Variants in GPC6 observed in about 807,000 individuals in gnomAD.
GPC6 encodes the protein glypican 6, also known as glypican-6.
GPC6 carries 14 observed loss-of-function variants against 55.2 expected under a neutral mutation model. The observed-to-expected ratio is 0.25, with a 90% confidence interval of 0.17 to 0.40. GPC6 has a LOEUF of 0.40. GPC6 is among the 10% of genes least tolerant of loss of function. GPC6 has a pLI of 1.00. For synonymous variants in GPC6, 278 were observed against 259.6 expected (o/e 1.07, Z -0.68); for missense variants, 641 against 708.5 (o/e 0.90, Z 1.08).
intron 3 of GPC6, among the ~76,000 whole-genome samples, chr13:93,928,801 G>A (rs1034431536): frequency 6.8e-6 from 1 of 148,006 alleles, no homozygotes; most frequent in South Asian, 2.2e-4. Context: ...TTTCAAAGAG[G>A]GTTCTCTTCA....
chr13:93,339,938 A>G (rs1370822314), intron 1 of GPC6, among the ~76,000 whole-genome samples: 2 of 152,080 alleles, frequency 1.3e-5, no homozygotes, highest in African/African-American at 4.8e-5. Flanking sequence ...GCACATTACA[A>G]TCAGGCACAA....
At chr13:93,590,430 T>A (rs943702319) in intron 2 of GPC6, among the ~76,000 whole-genome samples, 1 of 152,160 alleles carries the variant, frequency 6.6e-6, no homozygotes. Context: ...TTTAAAGAAG[T>A]ATAACTACAA....
At chr13:93,571,207 C>G (rs577687015) in intron 2 of GPC6, among the ~76,000 whole-genome samples, 1 of 152,174 alleles carries the variant, frequency 6.6e-6, no homozygotes, top group South Asian at 2.1e-4. Context: ...CTCTAACATT[C>G]TCGTCCCAAG....
intron 6 of GPC6, among the ~76,000 whole-genome samples, chr13:94,361,798 C>A (rs1053231299): frequency 6.6e-6 from 1 of 152,218 alleles, no homozygotes; most frequent in South Asian, 2.1e-4. Context: ...TTAAAGGGTG[C>A]AAAAAATGTT....
intron 4 of GPC6, among the ~76,000 whole-genome samples, chr13:94,209,724 A>C (rs1890016724): frequency 6.6e-6 from 1 of 152,168 alleles, no homozygotes; most frequent in Admixed American, 6.5e-5. Context: ...CATTTTATGA[A>C]ATTTAGTGTT....
At chr13:94,272,569 T>C (rs181805914) in intron 4 of GPC6, among the ~76,000 whole-genome samples, 2,022 of 148,564 alleles carry the variant, frequency 0.014, 46 homozygotes, top group African/African-American at 0.043. Flanking sequence ...CCCAGGTTCA[T>C]GCCATTCTCT....
chr13:93,750,969 C>A (rs1030228551), intron 2 of GPC6, among the ~76,000 whole-genome samples: 1 of 152,106 alleles, frequency 6.6e-6, no homozygotes, highest in Admixed American at 6.6e-5. Context: ...CACTTCTCCT[C>A]TGGAGACAAA....
chr13:93,497,097 A>G (rs1880331766), intron 1 of GPC6, among the ~76,000 whole-genome samples: 3 of 152,182 alleles, frequency 2.0e-5, no homozygotes, highest in Non-Finnish European at 2.9e-5. Flanking sequence ...CTGACTCTCT[A>G]TGGTTGATTC....
At chr13:93,552,333 G>A (rs1349948118) in intron 2 of GPC6, among the ~76,000 whole-genome samples, 1 of 152,160 alleles carries the variant, frequency 6.6e-6, no homozygotes, top group Admixed American at 6.5e-5. Context: ...CGCCTTTCAA[G>A]CCTTTTGTTT....
At chr13:94,139,908 AAGAGCTACTG>A (rs1887316085) in intron 4 of GPC6, among the ~76,000 whole-genome samples, 1 of 152,172 alleles carries the variant, frequency 6.6e-6, no homozygotes, top group African/African-American at 2.4e-5. Context: ...GACACATAGT[AAGAGCTACTG>A]ATTTTTTCTA....
intron 1 of GPC6, among the ~76,000 whole-genome samples, chr13:93,279,506 T>A (rs534419953): frequency 6.6e-6 from 1 of 152,328 alleles, no homozygotes; most frequent in East Asian, 1.9e-4. Flanking sequence ...TTTACTAAAT[T>A]TACTTGATTG....
intron 4 of GPC6, among the ~76,000 whole-genome samples, chr13:94,178,096 G>A (rs572537996): frequency 6.7e-6 from 1 of 148,718 alleles, no homozygotes; most frequent in African/African-American, 2.5e-5. Context: ...TCAACTCACT[G>A]CAACCTCCGC....
At chr13:93,525,319 A>G (rs1881604347) in intron 1 of GPC6, among the ~76,000 whole-genome samples, 1 of 152,134 alleles carries the variant, frequency 6.6e-6, no homozygotes, top group African/African-American at 2.4e-5. Flanking sequence ...AGTGTCAGGA[A>G]CATGCCCCCC....
chr13:93,429,894 A>C (rs988842789), intron 1 of GPC6, among the ~76,000 whole-genome samples: 2 of 152,216 alleles, frequency 1.3e-5, no homozygotes, highest in Non-Finnish European at 1.5e-5. Context: ...CAGGTTACCT[A>C]TGGAAACAGT....
At chr13:93,331,074 C>G (rs61965690) in intron 1 of GPC6, among the ~76,000 whole-genome samples, 1 of 151,982 alleles carries the variant, frequency 6.6e-6, no homozygotes, top group African/African-American at 2.4e-5. Context: ...TTTGGGGGCT[C>G]TATTTGGGGA....
intron 6 of GPC6, among the ~76,000 whole-genome samples, chr13:94,370,835 A>T (rs1879509368): frequency 6.6e-6 from 1 of 152,188 alleles, no homozygotes; most frequent in Admixed American, 6.5e-5. Flanking sequence ...ACCTCATGAA[A>T]TTTACATAAA....
chr13:93,405,842 C>T (rs996387127), intron 1 of GPC6, among the ~76,000 whole-genome samples: 5 of 152,270 alleles, frequency 3.3e-5, no homozygotes, highest in East Asian at 3.9e-4. Context: ...TACTGCTGGA[C>T]GGTGGGGTGG....
rs144861693 is a variant in GPC6, at chr13:94,400,319, G to A, written c.1465+1678G>A. Among the ~76,000 whole-genome samples the A allele has an allele frequency of 2.2e-4, 34 of 152,140 alleles. No individual in the cohort carries two copies. In the East Asian group the frequency reaches 3.5e-3, roughly 16 times the overall value. On this transcript the variant is annotated intron_variant, in intron 8 of 8. Coordinates refer to ENST00000377047, the MANE Select transcript of GPC6 (RefSeq NM_005708.5). ...TGATTCCTTTTCAAAAAGAGATGGG[G>A]CCATTATTTTTTCCAGCCAAAATCT...
chr13:93,451,602 CCA>C (rs1878225879), intron 1 of GPC6, among the ~76,000 whole-genome samples: 1 of 152,202 alleles, frequency 6.6e-6, no homozygotes, highest in African/African-American at 2.4e-5. Flanking sequence ...TGTGTCATAG[CCA>C]CAGAGTTGAG....
Sources: allele counts gnomAD v4.1 joint callset (sites outside exome capture counted in the v4.1 genomes callset), GRCh38; gene constraint gnomAD v4.1.1; transcripts MANE v1.5; gene names NCBI Gene and HGNC (gene_info 2026-07-23, HGNC 2026-07-21).